PIGR: variants seen among roughly 807,000 people sequenced by gnomAD.
The protein encoded by PIGR is hepatocellular carcinoma associated protein TB6.
A neutral mutation model predicts 69.5 loss-of-function variants in PIGR; 22 were observed. That is an observed-to-expected ratio of 0.32 (90% CI 0.23 to 0.45). PIGR has a LOEUF of 0.45. Ranked by LOEUF, PIGR falls within the 20% of genes least tolerant of loss-of-function variation. The probability of loss-of-function intolerance (pLI) is 1.00; values close to 1 mark genes in which losing one functional copy is unlikely to be tolerated. For missense variants in PIGR, 885 were observed against 974.0 expected (o/e 0.91, Z 1.22); for synonymous variants, 413 against 407.6 (o/e 1.01, Z -0.16).
chr1:206,931,341 C>T (rs1195113531), intron 10 of PIGR, 156 bp downstream of exon 10: 1 of 1,519,714 alleles, frequency 6.6e-7, no homozygotes, highest in Non-Finnish European at 8.8e-7. Context: ...TATAGTTCTT[C>T]CTCAAAAAGT....
In PIGR at chr1:206,931,865, G is replaced by T. The variant is rs1572641580; in HGVS notation, c.2009-63C>A. The T allele has an allele frequency of 6.9e-6, 11 of 1,594,790 alleles. No homozygotes were observed. In the East Asian group the frequency reaches 2.2e-4, roughly 32 times the overall value. On this transcript the variant is annotated intron_variant, in intron 8 of 10. Coordinates refer to ENST00000356495, the MANE Select transcript of PIGR (RefSeq NM_002644.4). The stretch of plus-strand genomic sequence containing the variant: ...GCTGGGACCTAGAAGGCCAGGCTGG[G>T]CTGCTTCTCTCTGGGCGGATCCACT...
intron 6 of PIGR, among the ~76,000 whole-genome samples, chr1:206,933,411 C>T (rs1679801163): frequency 6.6e-6 from 1 of 152,160 alleles, no homozygotes; most frequent in Non-Finnish European, 1.5e-5. Flanking sequence ...GTGTCATAGA[C>T]CAGCTGTGCA....
chr1:206,937,271 G>A lies in PIGR; in HGVS notation c.869C>T (p.Ala290Val), dbSNP rs761790042. 3.1e-6 allele frequency: 5 copies of A among 1,613,832 alleles called. No individual in the cohort carries two copies. The highest frequency in any genetic ancestry group is 4.2e-6 in the Non-Finnish European group (5 of 1,179,872). The change falls in exon 4 of 11, where the codon GCC becomes GTC. Residue 290 changes from alanine to valine, a missense_variant. Ala to Val is a moderately conservative substitution (Grantham distance 64). Transcript: ENST00000356495. ...DVVVNTLGKR[A>V]PAFEGRILLN... ...CAGGATCCTGCCCTCAAAGGCTGGG[G>A]CCCTCTTCCCCAGGGTGTTGACGAC...
Position 206,940,601 on chromosome 1 carries a change from A to C in PIGR, c.-53-17T>G. 1 of 1,441,350 alleles carries C rather than the reference A, an allele frequency of 6.9e-7. No individual in the cohort carries two copies. The highest frequency in any genetic ancestry group is 9.4e-7 in the Non-Finnish European group (1 of 1,067,386). The allele number at this position is 1,441,350 out of a possible 1,614,324, so 89.3% of individuals were successfully genotyped here. ...TGTGCAATGCTGAAAAACAATAATC[A>C]CAAGGAGATGAAGCGCCCCTTGTCT... is the stretch of plus-strand genomic sequence containing the variant. On this transcript the variant is annotated splice_polypyrimidine_tract_variant and intron_variant, in intron 1 of 10. Coordinates refer to ENST00000356495, the MANE Select transcript of PIGR (RefSeq NM_002644.4).
In PIGR at chr1:206,930,312, C is replaced by A; in HGVS notation, c.*6G>T. The A allele has an allele frequency of 1.2e-6, 2 of 1,608,528 alleles. No homozygotes were observed. Among genetic ancestry groups the A allele is most frequent in the Non-Finnish European group, 1.7e-6 (2 of 1,177,180 alleles). ...CATGGGTGCAGGGAGCAGGCGGCGA[C>A]ACCGTCTAGGCTTCCTGGGGGCCGT... On this transcript the variant is annotated 3_prime_UTR_variant, in exon 11 of 11. Transcript: ENST00000356495. The surrounding 1 kb of genome is among the most constrained non-coding windows in gnomAD (Gnocchi z 4.3).
chr1:206,932,410 G>A, intron 8 of PIGR, 46 bp downstream of exon 8: 1 of 1,576,340 alleles, frequency 6.3e-7, no homozygotes, highest in Non-Finnish European at 8.6e-7. Context: ...TCAGGACTGA[G>A]GGCTCGGGTT....
intron 4 of PIGR, 71 bp downstream of exon 4, chr1:206,937,024 A>C: frequency 7.2e-7 from 1 of 1,383,840 alleles, no homozygotes; most frequent in Non-Finnish European, 9.8e-7. Flanking sequence ...GAATACACTC[A>C]GAGGGAGCTG....
At position 206,935,837 on chromosome 1, in the gene PIGR, A is replaced by T; in HGVS notation, c.1046-19T>A. Reference sequence around the variant, plus strand: ...GTGGACTCTGGAAGCACAGACAGAGATGGGATGGGAGGATGGCCACGCAGG... The same window carrying T: ...GTGGACTCTGGAAGCACAGACAGAGTTGGGATGGGAGGATGGCCACGCAGG... On this transcript the variant is annotated intron_variant, in intron 4 of 10. Transcript: ENST00000356495. This position sits in a 1 kb window ranked among gnomAD's most constrained non-coding sequence, Gnocchi z 4.4. 1 of 1,564,906 alleles carries T rather than the reference A, an allele frequency of 6.4e-7. No homozygotes were observed. The highest frequency in any genetic ancestry group is 8.7e-7 in the Non-Finnish European group (1 of 1,148,810).
intron 8 of PIGR, among the ~76,000 whole-genome samples, chr1:206,932,163 A>G (rs775484665): frequency 6.6e-6 from 1 of 152,094 alleles, no homozygotes; most frequent in African/African-American, 2.4e-5. Context: ...TAGTTATCCA[A>G]TTAGTCCAAG....
chr1:206,940,614 G>A (rs560742970), intron 1 of PIGR, 30 bp from the exon 2 acceptor site: 2 of 1,356,090 alleles, frequency 1.5e-6, no homozygotes, highest in East Asian at 2.6e-5. Flanking sequence ...AGGAGATGAA[G>A]CGCCCCTTGT....
chr1:206,931,407 C>T (rs1679745889), intron 10 of PIGR, 90 bp downstream of exon 10: 30 of 1,612,034 alleles, frequency 1.9e-5, no homozygotes, highest in Non-Finnish European at 2.5e-5. Context: ...GATCGGCCCC[C>T]ATGTTGAGGT....
Position 206,937,294 on chromosome 1 carries a change from G to C in PIGR, c.846C>G (p.Val282=), listed in dbSNP as rs142351595. Residue 282 remains valine, a synonymous_variant, in exon 4 of 11, where the codon GTC becomes GTG. Transcript: ENST00000356495. ...RQSSGENCDV[V]VNTLGKRAPA... ...GGGCCCTCTTCCCCAGGGTGTTGACGACCACGTCACAGTTTTCCCCACTGC... is the reference window on the plus strand; with the variant it reads ...GGGCCCTCTTCCCCAGGGTGTTGACCACCACGTCACAGTTTTCCCCACTGC... 6.2e-7 allele frequency: 1 copy of C among 1,613,348 alleles called. No homozygotes were observed. The highest frequency in any genetic ancestry group is 1.7e-5 in the Admixed American group (1 of 59,926).
chr1:206,940,501 C>G lies in PIGR; in HGVS notation c.31G>C (p.Ala11Pro). The G allele has an allele frequency of 6.4e-7, 1 of 1,551,536 alleles. No homozygotes were observed. The highest frequency in any genetic ancestry group is 1.7e-4 in the Middle Eastern group (1 of 5,982). MLLFVLTCLL[A>P]VFPAISTKSP... ...CTGGCAGACACACCTGGGAAGACCGCCAGCAGGCAGGTGAGCACGAAGAGC... is the reference window on the plus strand; with the variant it reads ...CTGGCAGACACACCTGGGAAGACCGGCAGCAGGCAGGTGAGCACGAAGAGC... Residue 11 changes from alanine to proline, a missense_variant, in exon 2 of 11, where the codon GCG becomes CCG. Coordinates refer to ENST00000356495, the MANE Select transcript of PIGR (RefSeq NM_002644.4).
intron 6 of PIGR, among the ~76,000 whole-genome samples, chr1:206,933,882 T>C (rs2102598208): frequency 6.6e-6 from 1 of 152,210 alleles, no homozygotes; most frequent in Admixed American, 6.5e-5. Context: ...TCTTTTTTTT[T>C]TTTTTGAAAT....
At chr1:206,941,924 G>T (rs749389760) in intron 1 of PIGR, among the ~76,000 whole-genome samples, 3 of 152,190 alleles carry the variant, frequency 2.0e-5, no homozygotes, top group Admixed American at 6.5e-5. Context: ...AGATAAGGAC[G>T]CTGTAAGCAG....
rs1366285462 is a variant in PIGR at position 206,932,501 on chromosome 1, C to A, written c.1963G>T (p.Ala655Ser). 1 of 1,613,406 alleles carries A rather than the reference C, an allele frequency of 6.2e-7. No individual in the cohort carries two copies. Among genetic ancestry groups the A allele is most frequent in the Non-Finnish European group, 8.5e-7 (1 of 1,179,992 alleles). ...VPLGLVLAVG[A>S]VAVGVARARH... is the part of the protein sequence containing the mutation. ...GCTCTGGCCACCCCCACAGCCACGG[C>A]TCCCACTGCCAGCACCAGGCCCAGG... The change falls in exon 8 of 11, where the codon GCC becomes TCC. Residue 655 changes from alanine to serine, a missense_variant. Ala to Ser is a moderately conservative substitution (Grantham distance 99). Coordinates refer to ENST00000356495, the MANE Select transcript of PIGR (RefSeq NM_002644.4).
At chr1:206,936,935 C>T (rs1220491516) in intron 4 of PIGR, among the ~76,000 whole-genome samples, 160 bp downstream of exon 4, 3 of 152,204 alleles carry the variant, frequency 2.0e-5, no homozygotes, top group Non-Finnish European at 4.4e-5. Flanking sequence ...TTCTTGCTGT[C>T]CTGTGCAGCA....
At chr1:206,936,246 T>G (rs1051059844) in intron 4 of PIGR, among the ~76,000 whole-genome samples, 1 of 152,206 alleles carries the variant, frequency 6.6e-6, no homozygotes, top group South Asian at 2.1e-4. Flanking sequence ...GATGGTATGA[T>G]GTAAACTATA....
intron 7 of PIGR, 128 bp downstream of exon 7, chr1:206,932,858 C>T: frequency 9.5e-6 from 9 of 943,388 alleles, no homozygotes; most frequent in Non-Finnish European, 1.4e-5. Context: ...CACATATAAG[C>T]AGAGGTAGTA....
Sources: allele counts gnomAD v4.1 joint callset (sites outside exome capture counted in the v4.1 genomes callset), GRCh38; gene constraint gnomAD v4.1.1; non-coding constraint Gnocchi (gnomAD v3.1); transcripts MANE v1.5; gene names NCBI Gene and HGNC (gene_info 2026-07-23, HGNC 2026-07-21).